OR6N1: variants seen among roughly 807,000 people sequenced by gnomAD.
OR6N1 encodes the protein olfactory receptor 6N1.
For synonymous variants in OR6N1, 170 were observed against 150.7 expected (o/e 1.13, Z -0.94); for missense variants, 394 against 371.7 (o/e 1.06, Z -0.49).
chr1:158,793,340 G>T, the OR6N1 span, among the ~76,000 whole-genome samples: 1 of 151,982 alleles, frequency 6.6e-6, no homozygotes, highest in African/African-American at 2.4e-5. Context: ...GAGTTTCATA[G>T]AAATCTGTTT....
the OR6N1 span, among the ~76,000 whole-genome samples, chr1:158,803,501 A>C: frequency 6.6e-6 from 1 of 152,340 alleles, no homozygotes; most frequent in African/African-American, 2.4e-5. Flanking sequence ...CTTCAAATGA[A>C]TAATTGTGCT....
At chr1:158,824,631 T>C in the OR6N1 span, among the ~76,000 whole-genome samples, 1 of 152,094 alleles carries the variant, frequency 6.6e-6, no homozygotes, top group African/African-American at 2.4e-5. Context: ...CACAGGCCAA[T>C]GGAATGTAAC....
chr1:158,797,901 G>C, the OR6N1 span, among the ~76,000 whole-genome samples: 5 of 152,062 alleles, frequency 3.3e-5, no homozygotes, highest in Admixed American at 6.6e-5. Flanking sequence ...TATTAAGCAA[G>C]CTGCCACTGA....
At chr1:158,786,584 G>A in the OR6N1 span, among the ~76,000 whole-genome samples, 2 of 152,146 alleles carry the variant, frequency 1.3e-5, no homozygotes, top group Non-Finnish European at 2.9e-5. Flanking sequence ...CAAAGATATG[G>A]AACCAACCTA....
In OR6N1 at chr1:158,765,895, T is replaced by C. The variant is rs765561957; in HGVS notation, c.788A>G (p.Lys263Arg). 3 of 1,614,140 alleles carry C rather than the reference T, an allele frequency of 1.9e-6. No homozygotes were observed. In the South Asian group the frequency reaches 3.3e-5, roughly 18 times the overall value. ...GTCATAGTCCAGTGAGTAGCTCTTC[T>C]TCAGCTGCACATACATGGAAAGGAT... is the stretch of plus-strand genomic sequence containing the variant. Reference protein sequence around the residue: ...GSILSMYVQLKKSYSLDYDQA... With the variant: ...GSILSMYVQLRKSYSLDYDQA... The change falls in exon 2 of 2, where the codon AAG (lysine) becomes AGG (arginine). Residue 263 changes from lysine (K) to arginine (R), a missense_variant. Coordinates refer to ENST00000641846, the MANE Select transcript of OR6N1 (RefSeq NM_001005185.2).
At chr1:158,834,231 A>ATTTTTT in the OR6N1 span, among the ~76,000 whole-genome samples, 1 of 130,292 alleles carries the variant, frequency 7.7e-6, no homozygotes, top group African/African-American at 3.0e-5. Context: ...TCCTTTATCA[A>ATTTTTT]TTTTTTTTTT....
At chr1:158,819,325 G>C in the OR6N1 span, among the ~76,000 whole-genome samples, 1 of 152,120 alleles carries the variant, frequency 6.6e-6, no homozygotes, top group Non-Finnish European at 1.5e-5. Context: ...CCACACAGAA[G>C]GGCATCATTT....
At chr1:158,807,484 T>C in the OR6N1 span, among the ~76,000 whole-genome samples, 1 of 152,182 alleles carries the variant, frequency 6.6e-6, no homozygotes, top group Non-Finnish European at 1.5e-5. Context: ...AATGGGAGAT[T>C]ACTCTGCTCA....
Position 158,765,743 on chromosome 1 carries a change from C to A in OR6N1, c.*1G>T, listed in dbSNP as rs1188119766. 2 of 1,609,698 alleles carry A rather than the reference C, an allele frequency of 1.2e-6. No homozygotes were observed. The highest frequency in any genetic ancestry group is 1.7e-6 in the Non-Finnish European group (2 of 1,176,542). On this transcript the variant is annotated 3_prime_UTR_variant, in exon 2 of 2. Transcript: ENST00000641846. ...GGCCTTGGCCTACTCTCAGCCCCAACTCATGCCAATATCCCAATTCTCTTT... is the reference window on the plus strand; with the variant it reads ...GGCCTTGGCCTACTCTCAGCCCCAAATCATGCCAATATCCCAATTCTCTTT...
the OR6N1 span, among the ~76,000 whole-genome samples, chr1:158,838,657 T>G: frequency 6.6e-6 from 1 of 152,140 alleles, no homozygotes; most frequent in Admixed American, 6.6e-5. Flanking sequence ...CAGTCCTTAT[T>G]TACTCAATAA....
chr1:158,813,620 C>T, the OR6N1 span, among the ~76,000 whole-genome samples: 2 of 151,380 alleles, frequency 1.3e-5, no homozygotes, highest in African/African-American at 4.9e-5. Context: ...GCAAATGGTC[C>T]TACAAGTTAA....
At chr1:158,825,012 T>C in the OR6N1 span, among the ~76,000 whole-genome samples, 5 of 152,118 alleles carry the variant, frequency 3.3e-5, no homozygotes, top group Admixed American at 6.5e-5. Context: ...AAAGAAACTG[T>C]CAACAGAGTA....
chr1:158,790,787 G>A, the OR6N1 span, among the ~76,000 whole-genome samples: 1 of 152,148 alleles, frequency 6.6e-6, no homozygotes, highest in Non-Finnish European at 1.5e-5. Context: ...ATTCATGAGT[G>A]ATATGGTTTT....
chr1:158,813,963 G>C, the OR6N1 span, among the ~76,000 whole-genome samples: 1 of 152,064 alleles, frequency 6.6e-6, no homozygotes, highest in African/African-American at 2.4e-5. Flanking sequence ...GCCTCCCAAA[G>C]TGTTGATATT....
the OR6N1 span, chr1:158,777,250 G>C: frequency 3.1e-6 from 5 of 1,614,088 alleles, no homozygotes; most frequent in Non-Finnish European, 4.2e-6. Flanking sequence ...GTAGTGGAGG[G>C]GCCGACAAAT....
At chr1:158,773,852 T>C (rs865701), upstream of OR6N1, among the ~76,000 whole-genome samples, 25,001 of 152,138 alleles carry the variant, frequency 0.16, 2,476 homozygotes, top group African/African-American at 0.27. Flanking sequence ...TGTATATATA[T>C]TTGTATATTT....
At chr1:158,789,428 A>G in the OR6N1 span, among the ~76,000 whole-genome samples, 1 of 152,258 alleles carries the variant, frequency 6.6e-6, no homozygotes, top group East Asian at 1.9e-4. Context: ...CTGTTTTCCA[A>G]AGTGGCTGTA....
chr1:158,786,487 A>G, the OR6N1 span, among the ~76,000 whole-genome samples: 5 of 152,350 alleles, frequency 3.3e-5, no homozygotes, highest in Admixed American at 3.3e-4. Context: ...CAGCAATCCC[A>G]GTTCTGGGTA....
chr1:158,792,422 T>A, the OR6N1 span, among the ~76,000 whole-genome samples: 1 of 152,200 alleles, frequency 6.6e-6, no homozygotes, highest in Non-Finnish European at 1.5e-5. Context: ...TGTGAGGTAC[T>A]GTTCCAGGCA....
Sources: gnomAD v4.1 joint callset for allele counts (sites outside exome capture counted in the v4.1 genomes callset) on GRCh38, gnomAD v4.1.1 for gene constraint, MANE v1.5 for transcripts, NCBI Gene and HGNC (gene_info 2026-07-23, HGNC 2026-07-21) for gene names.